The following SYT7 variants were observed in gnomAD, a reference collection of about 807,000 sequenced individuals.
SYT7 encodes synaptotagmin-7.
A neutral mutation model predicts 75.1 loss-of-function variants in SYT7; 29 were observed. The observed-to-expected ratio is 0.39, with a 90% CI of 0.29 to 0.53. The LOEUF (loss-of-function observed/expected upper bound fraction) is 0.53. Ranked by LOEUF, SYT7 falls within the 20% of genes least tolerant of loss-of-function variation. The pLI, the probability that SYT7 is intolerant of heterozygous loss-of-function variation, is 0.77. For synonymous variants in SYT7, 376 were observed against 401.7 expected (o/e 0.94, Z 0.76); for missense variants, 693 against 953.2 (o/e 0.73, Z 3.59).
Position 61,551,521 on chromosome 11 carries a change from C to G in SYT7, c.136-58G>C. 6.4e-7 allele frequency: 1 copy of G among 1,550,568 alleles called. No homozygotes were observed. The highest frequency in any genetic ancestry group is 2.2e-5 in the East Asian group (1 of 44,454). On this transcript the variant is annotated intron_variant, in intron 2 of 12. Transcript: ENST00000539008. This position sits in a 1 kb window ranked among gnomAD's most constrained non-coding sequence, Gnocchi z 5.3. ...AACAGGACTGTACCCTCCCTACCTCCCCAGAACAGGGACCCGGAGGGGAAG... is the reference window on the plus strand; with the variant it reads ...AACAGGACTGTACCCTCCCTACCTCGCCAGAACAGGGACCCGGAGGGGAAG...
Position 61,551,435 on chromosome 11 carries a change from G to A in SYT7, c.164C>T (p.Thr55Met), listed in dbSNP as rs755352659. The A allele has an allele frequency of 1.9e-5, 30 of 1,613,868 alleles. No homozygotes were observed. In the South Asian group the frequency reaches 2.0e-4, roughly 11 times the overall value. ...LGKRYKNSLE[T>M]VGTPDSGRGR... is the part of the protein sequence containing the mutation. The stretch of plus-strand genomic sequence containing the variant: ...ACGCCCTGAGTCTGGCGTGCCCACC[G>A]TCTCCAAGGAATTCTTGTAGCGTTT... The change falls in exon 3 of 13, where the codon ACG (threonine) becomes ATG (methionine). Residue 55 changes from threonine to methionine, a missense_variant. Coordinates refer to ENST00000539008, the MANE Select transcript of SYT7 (RefSeq NM_001365809.2). This position sits in a 1 kb window ranked among gnomAD's most constrained non-coding sequence, Gnocchi z 5.3.
chr11:61,584,646 G>A (rs1210656204), upstream of SYT7, among the ~76,000 whole-genome samples: 2 of 152,168 alleles, frequency 1.3e-5, no homozygotes, highest in African/African-American at 2.4e-5. Flanking sequence ...TGAGCTTCTA[G>A]GAGCTGCTGG....
At position 61,524,081 on chromosome 11, in the gene SYT7, C is replaced by A. The variant is rs1013058597; in HGVS notation, c.1642-140G>T. The stretch of plus-strand genomic sequence containing the variant: ...TGTCACCTCTGTCTCACTCTGTCTC[C>A]CCCCATCTGGCAGGTGTGTGTACTG... On this transcript the variant is annotated intron_variant, in intron 10 of 12. Coordinates refer to ENST00000539008, the MANE Select transcript of SYT7 (RefSeq NM_001365809.2). The surrounding 1 kb of genome is among the most constrained non-coding windows in gnomAD (Gnocchi z 4.1). 11 of 825,834 alleles carry A rather than the reference C, an allele frequency of 1.3e-5. No homozygotes were observed. The highest frequency in any genetic ancestry group is 2.1e-5 in the Non-Finnish European group (11 of 513,276). The allele number at this position is 825,834 out of a possible 1,614,324, so 51.2% of individuals were successfully genotyped here. A position where few individuals can be genotyped will look rare whatever the true frequency, so the allele number is the denominator to read the frequency against.
At chr11:61,541,237 C>T in intron 6 of SYT7, 1 of 985,606 alleles carries the variant, frequency 1.0e-6, no homozygotes, top group South Asian at 4.7e-5. Context: ...GTGTGCTGGT[C>T]TCCTGCTCCG....
At chr11:61,548,502 G>T (rs1454180812) in intron 3 of SYT7, among the ~76,000 whole-genome samples, 8 of 152,174 alleles carry the variant, frequency 5.3e-5, no homozygotes, top group African/African-American at 1.9e-4. Context: ...GAGTACAGGG[G>T]GAATAGAGAC....
chr11:61,552,733 C>T (rs1273360913), intron 2 of SYT7, among the ~76,000 whole-genome samples: 3 of 152,218 alleles, frequency 2.0e-5, no homozygotes, highest in Admixed American at 2.0e-4. Flanking sequence ...CAGTGCCCTA[C>T]ACCTCAGGGT....
chr11:61,556,697 C>A (rs2063509642), intron 1 of SYT7, among the ~76,000 whole-genome samples: 1 of 152,270 alleles, frequency 6.6e-6, no homozygotes, highest in South Asian at 2.1e-4. Flanking sequence ...TTAGCTCTGA[C>A]AGCCCCTCTG....
chr11:61,556,208 C>T lies in SYT7; in HGVS notation c.32-1G>A. 6.2e-7 allele frequency: 1 copy of T among 1,611,844 alleles called. No individual in the cohort carries two copies. The highest frequency in any genetic ancestry group is 8.5e-7 in the Non-Finnish European group (1 of 1,179,186). ...AGCAGGACGTCGCGCGAGGGCGCCC[C>T]TGGGGAGGACAGGTACAGGTCACAC... On this transcript the variant is annotated splice_acceptor_variant, in intron 1 of 12. Coordinates refer to ENST00000539008, the MANE Select transcript of SYT7 (RefSeq NM_001365809.2). LOFTEE classifies it high-confidence loss of function.
Position 61,580,620 on chromosome 11 carries a change from G to C in SYT7, c.31+170C>G, listed in dbSNP as rs999367668. ...TCCAGACTGCGGGGGACCGGGGTCC[G>C]AGCCGCTGCCGCTCGATCCCGCGCC... On this transcript the variant is annotated intron_variant, in intron 1 of 12. Transcript: ENST00000539008. This position sits in a 1 kb window ranked among gnomAD's most constrained non-coding sequence, Gnocchi z 6.1. Among the ~76,000 whole-genome samples the C allele has an allele frequency of 6.6e-6, 1 of 152,044 alleles. No individual in the cohort carries two copies. Among genetic ancestry groups the C allele is most frequent in the Non-Finnish European group, 1.5e-5 (1 of 67,942 alleles).
At chr11:61,578,348 G>A (rs2064142557) in intron 1 of SYT7, among the ~76,000 whole-genome samples, 1 of 152,148 alleles carries the variant, frequency 6.6e-6, no homozygotes, top group Admixed American at 6.5e-5. Flanking sequence ...TGAGGCAAAG[G>A]GGAGCAGGAG....
chr11:61,538,018 C>T, intron 7 of SYT7, 126 bp downstream of exon 7: 1 of 1,394,970 alleles, frequency 7.2e-7, no homozygotes, highest in African/African-American at 1.4e-5. Context: ...GGGGCTTGTC[C>T]TTCCGCTCCA....
the SYT7 span, among the ~76,000 whole-genome samples, chr11:61,587,576 C>T: frequency 6.6e-6 from 1 of 152,258 alleles, no homozygotes; most frequent in African/African-American, 2.4e-5. Context: ...TCGCCGCCCG[C>T]GCTCCTGGTC....
chr11:61,565,670 C>T (rs1449407013), intron 1 of SYT7, among the ~76,000 whole-genome samples: 3 of 152,388 alleles, frequency 2.0e-5, no homozygotes, highest in South Asian at 4.1e-4. Flanking sequence ...GACCTACCCC[C>T]ACCCCATGCC....
chr11:61,558,485 T>C (rs11821317), intron 1 of SYT7, among the ~76,000 whole-genome samples: 7,065 of 137,476 alleles, frequency 0.051, 313 homozygotes, highest in African/African-American at 0.14. Context: ...AATATATATA[T>C]ACACACACAC....
chr11:61,580,529 A>G lies in SYT7; in HGVS notation c.31+261T>C, dbSNP rs1484934761. Reference sequence around the variant, plus strand: ...CACACACGTTGTCCTTGGGCTGTTGAGGGGTGGGGGAGAGGTCCTTGTGGG... The same window carrying G: ...CACACACGTTGTCCTTGGGCTGTTGGGGGGTGGGGGAGAGGTCCTTGTGGG... On this transcript the variant is annotated intron_variant, in intron 1 of 12. Transcript: ENST00000539008. This position sits in a 1 kb window ranked among gnomAD's most constrained non-coding sequence, Gnocchi z 6.1. Among the ~76,000 whole-genome samples the G allele has an allele frequency of 6.6e-6, 1 of 151,854 alleles. No homozygotes were observed. The highest frequency in any genetic ancestry group is 1.5e-5 in the Non-Finnish European group (1 of 67,902).
rs1198892304 is a variant in SYT7, at chr11:61,524,097, G to A, written c.1642-156C>T. Among the ~76,000 whole-genome samples the A allele has an allele frequency of 1.3e-5, 2 of 152,158 alleles. No individual in the cohort carries two copies. Among genetic ancestry groups the A allele is most frequent in the Non-Finnish European group, 2.9e-5 (2 of 68,034 alleles). Reference sequence around the variant, plus strand: ...CTCTGTCTCCCCCCATCTGGCAGGTGTGTGTACTGCCCCTCCCAGGGTCAC... The same window carrying A: ...CTCTGTCTCCCCCCATCTGGCAGGTATGTGTACTGCCCCTCCCAGGGTCAC... On this transcript the variant is annotated intron_variant, in intron 10 of 12. Coordinates refer to ENST00000539008, the MANE Select transcript of SYT7 (RefSeq NM_001365809.2). This position sits in a 1 kb window ranked among gnomAD's most constrained non-coding sequence, Gnocchi z 4.1.
rs1052688605 is a variant in SYT7 at position 61,524,444 on chromosome 11, C to T, written c.1560G>A (p.Glu520=). The T allele has an allele frequency of 3.1e-6, 5 of 1,613,882 alleles. No homozygotes were observed. The highest frequency in any genetic ancestry group is 4.2e-6 in the Non-Finnish European group (5 of 1,179,848). ...CCACCTTGTTAAGGGGGATGGACAC[C>T]TCCCCAATGGGGTCGTTGCGGCTGA... ...DRFSRNDPIG[E]VSIPLNKVDL... The change falls in exon 10 of 13, where the codon GAG becomes GAA. Residue 520 remains glutamate, a synonymous_variant. Coordinates refer to ENST00000539008, the MANE Select transcript of SYT7 (RefSeq NM_001365809.2). The surrounding 1 kb of genome is among the most constrained non-coding windows in gnomAD (Gnocchi z 4.1).
intron 2 of SYT7, among the ~76,000 whole-genome samples, chr11:61,554,463 G>GAC (rs144026235): frequency 2.6e-5 from 4 of 151,672 alleles, no homozygotes; most frequent in Non-Finnish European, 5.9e-5. Flanking sequence ...CACACACACA[G>GAC]ACACACACAC....
At chr11:61,533,857 C>T (rs2062785070) in intron 7 of SYT7, among the ~76,000 whole-genome samples, 1 of 152,096 alleles carries the variant, frequency 6.6e-6, no homozygotes, top group Non-Finnish European at 1.5e-5. Flanking sequence ...TGAGCCTACA[C>T]CCCCTTGCTC....
Sources: allele counts gnomAD v4.1 joint callset (sites outside exome capture counted in the v4.1 genomes callset), GRCh38; gene constraint gnomAD v4.1.1; non-coding constraint Gnocchi (gnomAD v3.1); transcripts MANE v1.5; gene names NCBI Gene and HGNC (gene_info 2026-07-23, HGNC 2026-07-21).